The following OTUD7A variants were observed in gnomAD, a reference collection of about 807,000 sequenced individuals.
The protein encoded by OTUD7A is OTU domain-containing protein 7A.
A neutral mutation model predicts 65.7 loss-of-function variants in OTUD7A; 12 were observed. The ratio of observed to expected loss-of-function variants is 0.18; its 90% CI spans 0.12 to 0.30. The LOEUF (loss-of-function observed/expected upper bound fraction) is 0.30, where lower values mean the gene tolerates loss of function less well. Among genes scored for constraint, OTUD7A ranks in the 10% least tolerant of loss-of-function variants. The pLI is 1.00. For missense variants in OTUD7A, 1,148 were observed against 1,304.8 expected, an observed-to-expected ratio of 0.88 and a Z score of 1.85; for synonymous variants, 641 against 586.3, an observed-to-expected ratio of 1.09 and a Z score of -1.35.
intron 5 of OTUD7A, among the ~76,000 whole-genome samples, chr15:31,551,556 C>T (rs778922034): frequency 2.6e-5 from 4 of 152,286 alleles, no homozygotes; most frequent in Non-Finnish European, 5.9e-5. Flanking sequence ...CTGATTCATC[C>T]GTGATAATGG....
chr15:31,595,175 G>C (rs1294986235), intron 3 of OTUD7A, among the ~76,000 whole-genome samples: 1 of 152,186 alleles, frequency 6.6e-6, no homozygotes, highest in Non-Finnish European at 1.5e-5. Flanking sequence ...CTATCGATGA[G>C]TTGGACAGGG....
intron 8 of OTUD7A, among the ~76,000 whole-genome samples, chr15:31,517,886 A>C (rs2041881228): frequency 6.6e-6 from 1 of 152,012 alleles, no homozygotes; most frequent in Non-Finnish European, 1.5e-5. Flanking sequence ...CCTCGGCAAG[A>C]GCGCGTGTCA....
chr15:31,675,481 A>T (rs571754317), intron 1 of OTUD7A, among the ~76,000 whole-genome samples: 1 of 152,360 alleles, frequency 6.6e-6, no homozygotes, highest in South Asian at 2.1e-4. Flanking sequence ...GATGCCAAAA[A>T]GCCCACAGTT....
intron 8 of OTUD7A, among the ~76,000 whole-genome samples, chr15:31,504,252 G>T (rs1347914412): frequency 6.6e-6 from 1 of 152,190 alleles, no homozygotes; most frequent in South Asian, 2.1e-4. Flanking sequence ...ACATCTGATG[G>T]GCTGGTGGGG....
chr15:31,533,234 ATTTT>A (rs71110888), intron 5 of OTUD7A, among the ~76,000 whole-genome samples: 4 of 135,836 alleles, frequency 2.9e-5, no homozygotes, highest in Non-Finnish European at 3.1e-5. Flanking sequence ...AGCAGGATAA[ATTTT>A]TTTTTTTTTT....
chr15:31,726,748 G>A (rs1444795331), intron 1 of OTUD7A, among the ~76,000 whole-genome samples: 1 of 152,198 alleles, frequency 6.6e-6, no homozygotes, highest in African/African-American at 2.4e-5. Flanking sequence ...CCAGCCAAGA[G>A]CATATTCTAG....
chr15:31,515,897 C>CCGATCCACCTGT (rs1183339805), intron 8 of OTUD7A, among the ~76,000 whole-genome samples: 2 of 151,000 alleles, frequency 1.3e-5, no homozygotes, highest in African/African-American at 4.9e-5. Context: ...CACCCACCCA[C>CCGATCCACCTGT]CCATCCACCT....
At position 31,484,953 on chromosome 15, in the gene OTUD7A, T is replaced by C. The variant is rs2041215755; in HGVS notation, c.1372-229A>G. On this transcript the variant is annotated intron_variant, in intron 12 of 12. Coordinates refer to ENST00000307050, the MANE Select transcript of OTUD7A (RefSeq NM_001382637.1). The surrounding 1 kb of genome is among the most constrained non-coding windows in gnomAD (Gnocchi z 4.5). ...GGTAGTAAAAGGATGTAGGGACCTC[T>C]TAACTGCGTGTGTCTTCTGGCCAGG... is the stretch of plus-strand genomic sequence containing the variant. Among the ~76,000 whole-genome samples the C allele has an allele frequency of 6.6e-6, 1 of 152,212 alleles. No homozygotes were observed. Among genetic ancestry groups the C allele is most frequent in the Non-Finnish European group, 1.5e-5 (1 of 68,032 alleles).
intron 10 of OTUD7A, among the ~76,000 whole-genome samples, chr15:31,497,664 T>C (rs1356905357): frequency 3.9e-5 from 6 of 152,188 alleles, no homozygotes; most frequent in Admixed American, 1.3e-4. Flanking sequence ...GTCCTGGGTC[T>C]GAGACGCTAT....
In OTUD7A at chr15:31,632,788, G is replaced by A. The variant is rs567332954; in HGVS notation, c.151+22308C>T. Among the ~76,000 whole-genome samples the A allele has an allele frequency of 2.9e-3, 442 of 151,874 alleles. 5 individuals are homozygous for A. Among genetic ancestry groups the A allele is most frequent in the African/African-American group, 0.01 (427 of 41,304 alleles). ...GGGCTCCACCCAGTTCGAGCTTCCC[G>A]GCTGCTTTGTTTGCCTAATCAAGCC... On this transcript the variant is annotated intron_variant, in intron 3 of 12. Coordinates refer to ENST00000307050, the MANE Select transcript of OTUD7A (RefSeq NM_001382637.1).
At chr15:31,823,060 A>G (rs182797619) in intron 1 of OTUD7A, among the ~76,000 whole-genome samples, 93 of 152,372 alleles carry the variant, frequency 6.1e-4, no homozygotes, top group African/African-American at 2.1e-3. Context: ...TTCCAGCTAC[A>G]TGCTGAAAAC....
chr15:31,861,959 A>G (rs895697506), intron 1 of OTUD7A, among the ~76,000 whole-genome samples: 1 of 152,180 alleles, frequency 6.6e-6, no homozygotes, highest in African/African-American at 2.4e-5. Context: ...GTGGTCTCAG[A>G]GCCAAGGACA....
intron 5 of OTUD7A, among the ~76,000 whole-genome samples, chr15:31,541,903 CT>C (rs1380827570): frequency 6.6e-6 from 1 of 152,132 alleles, no homozygotes; most frequent in African/African-American, 2.4e-5. Flanking sequence ...AAATTTGTCT[CT>C]TTTAGCCTAG....
intron 5 of OTUD7A, among the ~76,000 whole-genome samples, chr15:31,555,068 G>A (rs1888446770): frequency 6.6e-6 from 1 of 152,118 alleles, no homozygotes; most frequent in South Asian, 2.1e-4. Context: ...AAAAATAGAC[G>A]GGGCTGCCTA....
intron 1 of OTUD7A, among the ~76,000 whole-genome samples, chr15:31,687,515 C>T (rs966544948): frequency 2.0e-5 from 3 of 152,208 alleles, no homozygotes; most frequent in African/African-American, 7.2e-5. Flanking sequence ...GTACCCTCTA[C>T]CATATGCCTC....
At chr15:31,486,777 C>T (rs1420675780) in intron 12 of OTUD7A, among the ~76,000 whole-genome samples, 1 of 152,264 alleles carries the variant, frequency 6.6e-6, no homozygotes, top group Non-Finnish European at 1.5e-5. Context: ...GTAATTAATT[C>T]CGCTCTGCGG....
rs1032625550 is a variant in OTUD7A, at chr15:31,487,604, G to A, written c.1172-38C>T. On this transcript the variant is annotated intron_variant, in intron 10 of 12. Transcript: ENST00000307050. This position sits in a 1 kb window ranked among gnomAD's most constrained non-coding sequence, Gnocchi z 6.0. ...AGACAGAGCCGTGCTTGGAGCCCCGGCAGTCCCCAGGCAGGATGGCAAGGA... is the reference window on the plus strand; with the variant it reads ...AGACAGAGCCGTGCTTGGAGCCCCGACAGTCCCCAGGCAGGATGGCAAGGA... 2 of 1,557,308 alleles carry A rather than the reference G, an allele frequency of 1.3e-6. No individual in the cohort carries two copies. Among genetic ancestry groups the A allele is most frequent in the Non-Finnish European group, 1.7e-6 (2 of 1,143,126 alleles).
intron 3 of OTUD7A, among the ~76,000 whole-genome samples, chr15:31,592,609 G>A (rs1015849083): frequency 3.3e-5 from 5 of 151,860 alleles, no homozygotes; most frequent in East Asian, 3.9e-4. Context: ...AGGGCCGCGC[G>A]GTGGCTCACG....
At chr15:31,828,564 TG>T (rs1474764251) in intron 1 of OTUD7A, among the ~76,000 whole-genome samples, 2 of 152,220 alleles carry the variant, frequency 1.3e-5, no homozygotes, top group Non-Finnish European at 2.9e-5. Context: ...CAGGTTTTTC[TG>T]CATGCTTGTT....
Sources: allele counts gnomAD v4.1 joint callset (sites outside exome capture counted in the v4.1 genomes callset), GRCh38; gene constraint gnomAD v4.1.1; non-coding constraint Gnocchi (gnomAD v3.1); transcripts MANE v1.5; gene names NCBI Gene and HGNC (gene_info 2026-07-23, HGNC 2026-07-21).